Variants in TTC23 observed in about 807,000 individuals in gnomAD.
TTC23 encodes the protein tetratricopeptide repeat protein 23.
A neutral mutation model predicts 55.1 loss-of-function variants in TTC23; 58 were observed. That is an observed-to-expected ratio of 1.05 (90% CI 0.85 to 1.31). The LOEUF is 1.31. TTC23 is among the 50% of genes most tolerant of loss of function. The pLI is 0.00. For synonymous variants in TTC23, 203 were observed against 199.9 expected, an observed-to-expected ratio of 1.02 and a Z score of -0.13; for missense variants, 516 against 534.4, an observed-to-expected ratio of 0.97 and a Z score of 0.34.
At chr15:99,166,238 T>C (rs887907290) in intron 10 of TTC23, among the ~76,000 whole-genome samples, 1 of 152,168 alleles carries the variant, frequency 6.6e-6, no homozygotes, top group East Asian at 1.9e-4. Context: ...CCTCACATCT[T>C]TCTAGTCCTC....
At chr15:99,181,738 C>G (rs1466825123) in intron 9 of TTC23, among the ~76,000 whole-genome samples, 2 of 152,166 alleles carry the variant, frequency 1.3e-5, no homozygotes, top group Admixed American at 6.5e-5. Context: ...CCCTTGGAGG[C>G]CTGGGGCAGC....
chr15:99,220,078 A>G (rs2077798162), intron 6 of TTC23, among the ~76,000 whole-genome samples: 1 of 152,210 alleles, frequency 6.6e-6, no homozygotes, highest in Admixed American at 6.5e-5. Context: ...AACTGTGTCG[A>G]GTCCCTGAAG....
At chr15:99,235,393 A>G (rs2152083011) in intron 3 of TTC23, among the ~76,000 whole-genome samples, 2 of 140,722 alleles carry the variant, frequency 1.4e-5, no homozygotes, top group Middle Eastern at 7.9e-3. Context: ...TGTTTTTGAG[A>G]CGGAGTCTTG....
chr15:99,233,892 T>G (rs181583557), intron 4 of TTC23, among the ~76,000 whole-genome samples: 1 of 152,256 alleles, frequency 6.6e-6, no homozygotes, highest in Non-Finnish European at 1.5e-5. Flanking sequence ...CATGAATAAC[T>G]GATTCCTGAC....
chr15:99,231,740 C>T (rs2078952975), intron 4 of TTC23, among the ~76,000 whole-genome samples: 1 of 152,002 alleles, frequency 6.6e-6, no homozygotes, highest in Non-Finnish European at 1.5e-5. Flanking sequence ...GATCTGCCCA[C>T]CTCTGCCTCC....
At chr15:99,155,991 A>G (rs2070490769) in intron 12 of TTC23, 157 bp downstream of exon 12, 1 of 938,184 alleles carries the variant, frequency 1.1e-6, no homozygotes, top group Non-Finnish European at 1.6e-6. Context: ...TTTTACCCAA[A>G]AAGTATCAGG....
intron 3 of TTC23, among the ~76,000 whole-genome samples, chr15:99,237,126 C>G (rs1014086952): frequency 2.0e-5 from 3 of 151,972 alleles, no homozygotes; most frequent in African/African-American, 7.3e-5. Context: ...GGATTACAGG[C>G]GCCCGCCACC....
At chr15:99,226,298 T>C (rs1215257919) in intron 5 of TTC23, among the ~76,000 whole-genome samples, 1 of 150,442 alleles carries the variant, frequency 6.6e-6, no homozygotes, top group Non-Finnish European at 1.5e-5. Context: ...TGTGGCCATG[T>C]AAGGGAATAG....
At position 99,235,806 on chromosome 15, in the gene TTC23, T is replaced by C. The variant is rs144316946; in HGVS notation, c.-113-726A>G. Among the ~76,000 whole-genome samples, 13 of 152,284 alleles carry C rather than the reference T, an allele frequency of 8.5e-5. No individual in the cohort carries two copies. In the East Asian group the frequency reaches 2.5e-3, roughly 29 times the overall value. ...ACTCTGTACTCATTAAACAGTAACTTCCCATTCCCCCTACCCTCCACCTCT... is the reference window on the plus strand; with the variant it reads ...ACTCTGTACTCATTAAACAGTAACTCCCCATTCCCCCTACCCTCCACCTCT... On this transcript the variant is annotated intron_variant, in intron 3 of 13. Transcript: ENST00000394132.
chr15:99,240,928 G>T (rs1337681228), intron 3 of TTC23, among the ~76,000 whole-genome samples: 2 of 152,204 alleles, frequency 1.3e-5, no homozygotes, highest in East Asian at 1.9e-4. Context: ...TATGCTACCT[G>T]TCTGGCTTCT....
chr15:99,201,536 A>T (rs1409039199), intron 8 of TTC23, among the ~76,000 whole-genome samples: 1 of 152,186 alleles, frequency 6.6e-6, no homozygotes, highest in Non-Finnish European at 1.5e-5. Context: ...TGCTCTCCAG[A>T]GGAATTAACT....
chr15:99,167,410 G>T (rs2072273673), intron 10 of TTC23, among the ~76,000 whole-genome samples: 1 of 152,230 alleles, frequency 6.6e-6, no homozygotes, highest in African/African-American at 2.4e-5. Context: ...GACTTAGCTT[G>T]TAAATCTGAG....
At chr15:99,214,804 C>T (rs953895739) in intron 8 of TTC23, among the ~76,000 whole-genome samples, 31 of 148,112 alleles carry the variant, frequency 2.1e-4, no homozygotes, top group African/African-American at 9.9e-5. Flanking sequence ...ATTTGCTATG[C>T]GGGTGTTCTT....
intron 3 of TTC23, among the ~76,000 whole-genome samples, chr15:99,239,600 C>T (rs2079601726): frequency 6.6e-6 from 1 of 152,214 alleles, no homozygotes; most frequent in South Asian, 2.1e-4. Flanking sequence ...TGTACAGAGA[C>T]ACAGTGCTAT....
At position 99,218,610 on chromosome 15, in the gene TTC23, G is replaced by A. The variant is rs201945611; in HGVS notation, c.559C>T (p.Arg187Trp). ...IKEEWIEIEARIRLSFAQVYQ... is the reference protein window; with the variant it reads ...IKEEWIEIEAWIRLSFAQVYQ... ...TACTGTGCAAATGATAATCTGATCCGTGCTTCAATTTCTATCCATTCTTCC... is the reference window on the plus strand; with the variant it reads ...TACTGTGCAAATGATAATCTGATCCATGCTTCAATTTCTATCCATTCTTCC... The change falls in exon 8 of 14, where the codon CGG becomes TGG. Residue 187 changes from arginine (R) to tryptophan (W), a missense_variant. Coordinates refer to ENST00000394132, the MANE Select transcript of TTC23 (RefSeq NM_001288615.3). 1.2e-5 allele frequency: 19 copies of A among 1,614,036 alleles called. No homozygotes were observed. The highest frequency in any genetic ancestry group is 2.2e-5 in the South Asian group (2 of 91,074).
intron 10 of TTC23, among the ~76,000 whole-genome samples, chr15:99,172,885 A>T (rs1054545671): frequency 2.6e-5 from 4 of 152,194 alleles, no homozygotes; most frequent in African/African-American, 7.2e-5. Context: ...AAAACTTTTT[A>T]AAAATATATA....
At chr15:99,207,858 AC>A (rs1462822946) in intron 8 of TTC23, among the ~76,000 whole-genome samples, 4 of 152,166 alleles carry the variant, frequency 2.6e-5, no homozygotes, top group Admixed American at 2.6e-4. Flanking sequence ...GAATTTACAC[AC>A]CCTGCTGGTG....
chr15:99,140,836 A>G (rs2068143078), intron 12 of TTC23: 1 of 152,242 alleles, frequency 6.6e-6, no homozygotes, highest in East Asian at 1.9e-4. Context: ...AGATTCTTGC[A>G]GTGCACAGAA....
chr15:99,232,133 G>C (rs925483723), intron 4 of TTC23, among the ~76,000 whole-genome samples: 1 of 151,576 alleles, frequency 6.6e-6, no homozygotes, highest in Admixed American at 6.6e-5. Context: ...AGTAAAAAAA[G>C]AAAATAAAAA....
Sources: allele counts gnomAD v4.1 joint callset (sites outside exome capture counted in the v4.1 genomes callset), GRCh38; gene constraint gnomAD v4.1.1; transcripts MANE v1.5; gene names NCBI Gene and HGNC (gene_info 2026-07-23, HGNC 2026-07-21).